Variants in ARFGEF1 observed in about 807,000 individuals in gnomAD.
ARFGEF1 encodes the protein brefeldin A-inhibited guanine nucleotide-exchange protein 1.
A neutral mutation model predicts 231.0 loss-of-function variants in ARFGEF1; 42 were observed. The observed-to-expected ratio is 0.18, with a 90% confidence interval of 0.14 to 0.24. ARFGEF1 has a LOEUF of 0.24. Ranked by LOEUF, ARFGEF1 falls within the 10% of genes least tolerant of loss-of-function variation. The pLI is 1.00. For synonymous variants in ARFGEF1, 710 were observed against 732.3 expected (o/e 0.97, Z 0.49); for missense variants, 1,345 against 2,192.0 (o/e 0.61, Z 7.72).
intron 14 of ARFGEF1, among the ~76,000 whole-genome samples, chr8:67,265,015 C>T (rs115717994): frequency 0.016 from 2,482 of 152,206 alleles, 72 homozygotes; most frequent in African/African-American, 0.057. Context: ...TGTTTACACA[C>T]ACTAGACCAA....
chr8:67,277,516 AAAAGCAC>A, intron 7 of ARFGEF1, 59 bp from the exon 8 acceptor site: 1 of 1,485,664 alleles, frequency 6.7e-7, no homozygotes, highest in Admixed American at 1.9e-5. Context: ...AGTGTATTTA[AAAAGCAC>A]AGAGTATTTA....
chr8:67,219,744 T>C (rs557274303), intron 29 of ARFGEF1, among the ~76,000 whole-genome samples, 184 bp from the exon 30 acceptor site: 2 of 152,030 alleles, frequency 1.3e-5, no homozygotes, highest in East Asian at 3.9e-4. Context: ...GGATACATCA[T>C]TCGGGAAAAA....
chr8:67,219,620 T>C (rs1839078535), intron 29 of ARFGEF1, 60 bp from the exon 30 acceptor site: 20 of 1,500,770 alleles, frequency 1.3e-5, no homozygotes, highest in Non-Finnish European at 1.6e-5. Context: ...TCTCCTAAAA[T>C]AGTTTTTAGA....
At chr8:67,236,361 AAAAAATATATATATATAT>A (rs1367069774) in intron 22 of ARFGEF1, among the ~76,000 whole-genome samples, 18 of 42,064 alleles carry the variant, frequency 4.3e-4, no homozygotes, top group African/African-American at 1.1e-3. Context: ...AAAAAAAAAA[AAAAAATATATATATATAT>A]ATATATATAT....
chr8:67,311,927 T>G (rs1807087117), intron 1 of ARFGEF1, among the ~76,000 whole-genome samples: 2 of 152,184 alleles, frequency 1.3e-5, no homozygotes, highest in African/African-American at 2.4e-5. Context: ...CCTGTTGATC[T>G]GTGACCTTAC....
At chr8:67,200,187 T>TA in intron 38 of ARFGEF1, 1 of 616,416 alleles carries the variant, frequency 1.6e-6, no homozygotes, top group Non-Finnish European at 3.0e-6. Context: ...AGAGAACTGC[T>TA]AATTAGTGAA....
In ARFGEF1 at chr8:67,200,468, T is replaced by G. The variant is rs775732841; in HGVS notation, c.5313A>C (p.Glu1771Asp). The G allele has an allele frequency of 6.2e-7, 1 of 1,607,314 alleles. No individual in the cohort carries two copies. The highest frequency in any genetic ancestry group is 1.1e-5 in the South Asian group (1 of 90,954). Residue 1771 changes from glutamate to aspartate, a missense_variant, in exon 38 of 39, where the codon GAA becomes GAC. Physicochemically the swap from Glu to Asp is conservative, Grantham distance 45 (BLOSUM62 2). Around this residue, in one of 14 missense-constraint regions of ARFGEF1, gnomAD observed 161 missense variants for 284.9 expected, o/e 0.57. Coordinates refer to ENST00000262215, the MANE Select transcript of ARFGEF1 (RefSeq NM_006421.5). ...AGTTAGTCCAGGCTTCTCGATGACT[T>G]TCTGATGTTAGAGTGAGGAAGTAAC... ...ALSYFLTLTS[E>D]SHREAWTNLL...
chr8:67,200,288 C>A (rs763060240), intron 38 of ARFGEF1, 108 bp downstream of exon 38: 5 of 805,908 alleles, frequency 6.2e-6, no homozygotes, highest in South Asian at 5.5e-5. Context: ...GCAGCCTGGG[C>A]ACTGCTTGAT....
intron 9 of ARFGEF1, 103 bp downstream of exon 9, chr8:67,275,873 T>G: frequency 6.9e-7 from 1 of 1,457,060 alleles, no homozygotes; most frequent in Non-Finnish European, 9.2e-7. Flanking sequence ...TTTTTTATGG[T>G]TCTATAGGAC....
intron 14 of ARFGEF1, among the ~76,000 whole-genome samples, chr8:67,263,309 T>C (rs1475546794): frequency 1.3e-5 from 2 of 151,962 alleles, no homozygotes; most frequent in African/African-American, 4.9e-5. Flanking sequence ...TTGCAAGAGT[T>C]CTTAAATGGT....
intron 22 of ARFGEF1, among the ~76,000 whole-genome samples, chr8:67,235,693 C>T (rs1225766456): frequency 6.6e-6 from 1 of 151,962 alleles, no homozygotes; most frequent in African/African-American, 2.4e-5. Flanking sequence ...CAGGCTTTTA[C>T]TTTAGTAACT....
chr8:67,259,003 G>GAT (rs1840556876), intron 15 of ARFGEF1, among the ~76,000 whole-genome samples: 1 of 151,966 alleles, frequency 6.6e-6, no homozygotes, highest in African/African-American at 2.4e-5. Context: ...CCCATATCTA[G>GAT]ATTACTTATA....
chr8:67,253,774 A>C, intron 17 of ARFGEF1, 152 bp from the exon 18 acceptor site: 1 of 456,658 alleles, frequency 2.2e-6, no homozygotes, highest in Non-Finnish European at 3.7e-6. Context: ...AAAATGAAAA[A>C]AATCACAGAA....
chr8:67,301,513 G>A (rs1806489035), intron 2 of ARFGEF1, 133 bp from the exon 3 acceptor site: 2 of 977,674 alleles, frequency 2.0e-6, no homozygotes, highest in Non-Finnish European at 2.9e-6. Flanking sequence ...CATATTTCGA[G>A]AGGAAACCCA....
At chr8:67,300,522 T>C (rs1186761903) in intron 3 of ARFGEF1, among the ~76,000 whole-genome samples, 1 of 151,984 alleles carries the variant, frequency 6.6e-6, no homozygotes, top group Non-Finnish European at 1.5e-5. Flanking sequence ...TATTGCTTCA[T>C]ATAAAACAGA....
chr8:67,309,074 A>G (rs1806875325), intron 1 of ARFGEF1, among the ~76,000 whole-genome samples: 1 of 152,234 alleles, frequency 6.6e-6, no homozygotes, highest in South Asian at 2.1e-4. Context: ...CTGCCTTAAA[A>G]AGAAGGAAAT....
In ARFGEF1 at chr8:67,322,895, C is replaced by T. The variant is rs181033469; in HGVS notation, c.124+20269G>A. Among the ~76,000 whole-genome samples, 11 of 152,272 alleles carry T rather than the reference C, an allele frequency of 7.2e-5. No individual in the cohort carries two copies. The East Asian group carries it at 1.7e-3, about 24-fold the overall frequency. ...TTAACAGCAAAGACCACATTTTATA[C>T]CACATCTTTACATTCATCAGGCTTA... On this transcript the variant is annotated intron_variant, in intron 1 of 38. Coordinates refer to ENST00000262215, the MANE Select transcript of ARFGEF1 (RefSeq NM_006421.5).
chr8:67,235,359 T>C (rs1408123285), intron 22 of ARFGEF1, among the ~76,000 whole-genome samples: 1 of 151,894 alleles, frequency 6.6e-6, no homozygotes, highest in Non-Finnish European at 1.5e-5. Context: ...AAATACTAAT[T>C]CAACCTAGAC....
chr8:67,274,503 A>C (rs1805231922), intron 9 of ARFGEF1, among the ~76,000 whole-genome samples: 1 of 152,096 alleles, frequency 6.6e-6, no homozygotes, highest in Non-Finnish European at 1.5e-5. Context: ...AAGGCTTGTT[A>C]ATTTACATCA....
Sources: gnomAD v4.1 joint callset for allele counts (sites outside exome capture counted in the v4.1 genomes callset) on GRCh38, gnomAD v4.1.1 for gene constraint, gnomAD v4.1.1 regional missense constraint, MANE v1.5 for transcripts, NCBI Gene and HGNC (gene_info 2026-07-23, HGNC 2026-07-21) for gene names.